The following RABGEF1 variants were observed in gnomAD, a reference collection of about 807,000 sequenced individuals.
RABGEF1 encodes rab5 GDP/GTP exchange factor.
A neutral mutation model predicts 57.3 loss-of-function variants in RABGEF1; 26 were observed. The observed-to-expected ratio is 0.45, with a 90% CI of 0.33 to 0.63. The LOEUF is 0.63. RABGEF1 is among the 20% of genes least tolerant of loss of function. RABGEF1 has a pLI of 0.02. For synonymous variants in RABGEF1, 185 were observed against 210.7 expected (o/e 0.88, Z 1.06); for missense variants, 464 against 607.6 (o/e 0.76, Z 2.48).
At chr7:66,800,692 A>C (rs1213306551) in intron 7 of RABGEF1, among the ~76,000 whole-genome samples, 1 of 152,218 alleles carries the variant, frequency 6.6e-6, no homozygotes, top group Non-Finnish European at 1.5e-5. Flanking sequence ...TAGAAAGTTC[A>C]AGATCAGCTG....
At chr7:66,796,099 T>C (rs1485404003) in intron 5 of RABGEF1, among the ~76,000 whole-genome samples, 1 of 152,214 alleles carries the variant, frequency 6.6e-6, no homozygotes, top group African/African-American at 2.4e-5. Context: ...ACTGTGCCAC[T>C]GCACTCCAGC....
intron 1 of RABGEF1, among the ~76,000 whole-genome samples, chr7:66,702,868 G>A (rs1793499098): frequency 6.6e-6 from 1 of 152,006 alleles, no homozygotes; most frequent in Non-Finnish European, 1.5e-5. Flanking sequence ...TATATATTCT[G>A]GAAACTAGAT....
chr7:66,798,262 G>A (rs537250222), intron 6 of RABGEF1, among the ~76,000 whole-genome samples: 74 of 152,288 alleles, frequency 4.9e-4, no homozygotes, highest in African/African-American at 1.5e-3. Flanking sequence ...ACTGGGGTGA[G>A]CCCCAGCACT....
At chr7:66,798,860 C>T (rs1310182371) in intron 6 of RABGEF1, among the ~76,000 whole-genome samples, 3 of 152,052 alleles carry the variant, frequency 2.0e-5, no homozygotes, top group African/African-American at 7.2e-5. Flanking sequence ...TGCTTGGGAG[C>T]CTGAGGCAGG....
chr7:66,804,105 A>G (rs1300545352), intron 7 of RABGEF1, among the ~76,000 whole-genome samples: 1 of 149,802 alleles, frequency 6.7e-6, no homozygotes, highest in Non-Finnish European at 1.5e-5. Context: ...TTTTTTTTTA[A>G]CAAGATTTTG....
intron 1 of RABGEF1, among the ~76,000 whole-genome samples, chr7:66,765,108 A>G (rs1041358768): frequency 6.6e-6 from 1 of 151,648 alleles, no homozygotes; most frequent in Non-Finnish European, 1.5e-5. Context: ...AGTGAAGGTC[A>G]TGGGTGCACA....
At chr7:66,681,215 G>T (rs575109021), upstream of RABGEF1, among the ~76,000 whole-genome samples, 4 of 152,150 alleles carry the variant, frequency 2.6e-5, no homozygotes, top group African/African-American at 9.7e-5. Flanking sequence ...TTCTTTCTGT[G>T]ACTGCACCTT....
chr7:66,701,227 A>G (rs1433621488), intron 1 of RABGEF1, among the ~76,000 whole-genome samples: 1 of 152,238 alleles, frequency 6.6e-6, no homozygotes, highest in Non-Finnish European at 1.5e-5. Context: ...GGCTGGGCAC[A>G]GTAGCTCAGG....
intron 1 of RABGEF1, among the ~76,000 whole-genome samples, chr7:66,764,033 C>A (rs1805094841): frequency 6.6e-6 from 1 of 152,154 alleles, no homozygotes; most frequent in African/African-American, 2.4e-5. Context: ...ATTGTTTAAT[C>A]ATTTGAGAAA....
chr7:66,763,103 TC>T lies in RABGEF1; in HGVS notation c.-17-8779del, dbSNP rs1356887347. Among the ~76,000 whole-genome samples the T allele has an allele frequency of 2.0e-5, 3 of 152,304 alleles. No individual in the cohort carries two copies. The East Asian group carries it at 5.8e-4, about 29-fold the overall frequency. The stretch of plus-strand genomic sequence containing the variant: ...GCCTCAAATTCCCAGCCTCAATCAG[TC>T]GTCCTACTTCAGCCTTCCTAAGTGC... On this transcript the variant is annotated intron_variant, in intron 1 of 8. Transcript: ENST00000284957.
intron 8 of RABGEF1, among the ~76,000 whole-genome samples, chr7:66,807,478 G>T: frequency 6.6e-6 from 1 of 152,056 alleles, no homozygotes; most frequent in Non-Finnish European, 1.5e-5. Context: ...CATTCCATGG[G>T]ACTCCATTGT....
At chr7:66,781,009 C>T (rs1473681824) in intron 3 of RABGEF1, among the ~76,000 whole-genome samples, 2 of 152,084 alleles carry the variant, frequency 1.3e-5, no homozygotes. Flanking sequence ...GACATTTTAT[C>T]AGACTGTTTA....
chr7:66,729,054 G>A (rs937372003), intron 2 of RABGEF1, among the ~76,000 whole-genome samples: 6 of 150,872 alleles, frequency 4.0e-5, no homozygotes, highest in Admixed American at 6.6e-5. Flanking sequence ...GGGTTCAACC[G>A]ATTCTCCTGC....
intron 3 of RABGEF1, among the ~76,000 whole-genome samples, chr7:66,781,530 A>G (rs1028103359): frequency 1.3e-5 from 2 of 152,038 alleles, no homozygotes; most frequent in Admixed American, 6.6e-5. Context: ...CCACCACCCA[A>G]TAGGCCACGG....
intron 1 of RABGEF1, among the ~76,000 whole-genome samples, chr7:66,684,716 G>A (rs1260968280): frequency 6.6e-6 from 1 of 152,000 alleles, no homozygotes; most frequent in African/African-American, 2.4e-5. Flanking sequence ...CTCACTGCAA[G>A]CTCCGCCTCC....
intron 7 of RABGEF1, among the ~76,000 whole-genome samples, 162 bp downstream of exon 7, chr7:66,799,576 A>G (rs1373724688): frequency 6.6e-6 from 1 of 152,250 alleles, no homozygotes; most frequent in Non-Finnish European, 1.5e-5. Flanking sequence ...GATGGCATTC[A>G]GAAGAGCAGG....
rs140841519 is a variant in RABGEF1 at position 66,744,003 on chromosome 7, A to G, written c.-18+3211A>G. Among the ~76,000 whole-genome samples, 66 of 151,404 alleles carry G rather than the reference A, an allele frequency of 4.4e-4. No individual in the cohort carries two copies. In the East Asian group the frequency reaches 9.5e-3, roughly 22 times the overall value. ...TGATAAGGATAAATGTTTTCAGTGT[A>G]GTGCTTGATTATTTGCTTTTTTCTT... On this transcript the variant is annotated intron_variant, in intron 1 of 8. Coordinates refer to ENST00000284957, the MANE Select transcript of RABGEF1 (RefSeq NM_014504.3).
rs540900588 is a variant in RABGEF1 at position 66,767,134 on chromosome 7, C to G, written c.-17-4749C>G. Among the ~76,000 whole-genome samples, 7 of 151,594 alleles carry G rather than the reference C, an allele frequency of 4.6e-5. No individual in the cohort carries two copies. In the East Asian group the frequency reaches 1.4e-3, roughly 30 times the overall value. ...TCTTGTGTCTCAGCCTCCCAAGTAGCTGGGATTACAGACGTCTGCCACCAT... is the reference window on the plus strand; with the variant it reads ...TCTTGTGTCTCAGCCTCCCAAGTAGGTGGGATTACAGACGTCTGCCACCAT... On this transcript the variant is annotated intron_variant, in intron 1 of 8. Transcript: ENST00000284957.
intron 2 of RABGEF1, among the ~76,000 whole-genome samples, chr7:66,730,795 T>G (rs62466798): frequency 0.039 from 5,996 of 152,172 alleles, 166 homozygotes; most frequent in East Asian, 0.084. Context: ...TGACCTCAAG[T>G]GATCCTCCTG....
Sources: allele counts gnomAD v4.1 joint callset (sites outside exome capture counted in the v4.1 genomes callset), GRCh38; gene constraint gnomAD v4.1.1; transcripts MANE v1.5; gene names NCBI Gene and HGNC (gene_info 2026-07-23, HGNC 2026-07-21).